Variants in SYTL2 observed in about 807,000 individuals in gnomAD.
The protein encoded by SYTL2 is synaptotagmin like 2.
Under a neutral mutation model 198.7 loss-of-function variants are expected in SYTL2, and 165 were observed. The ratio of observed to expected loss-of-function variants is 0.83; its 90% CI spans 0.73 to 0.94. The LOEUF (loss-of-function observed/expected upper bound fraction) is 0.94. Among genes scored for constraint, SYTL2 ranks in the 40% least tolerant of loss-of-function variants. The pLI is 0.00. For missense variants in SYTL2, 2,835 were observed against 2,582.8 expected, an observed-to-expected ratio of 1.10 and a Z score of -2.12; for synonymous variants, 966 against 917.7, an observed-to-expected ratio of 1.05 and a Z score of -0.95.
chr11:85,805,014 A>G (rs894748032), intron 1 of SYTL2, among the ~76,000 whole-genome samples: 2 of 152,220 alleles, frequency 1.3e-5, no homozygotes, highest in African/African-American at 4.8e-5. Flanking sequence ...CATTAAATAC[A>G]GGACCTCATT....
intron 10 of SYTL2, 86 bp downstream of exon 10, chr11:85,718,704 T>A (rs1327341228): frequency 8.1e-7 from 1 of 1,230,284 alleles, no homozygotes; most frequent in Non-Finnish European, 1.2e-6. Context: ...TTCTTCTGTT[T>A]ACCCAACAGC....
At chr11:85,753,307 G>T (rs1190223909) in intron 2 of SYTL2, among the ~76,000 whole-genome samples, 2 of 152,200 alleles carry the variant, frequency 1.3e-5, no homozygotes, top group African/African-American at 2.4e-5. Context: ...CTCCTTCACT[G>T]CTGGTCTGTG....
At chr11:85,760,252 T>C (rs1304198767) in intron 1 of SYTL2, among the ~76,000 whole-genome samples, 2 of 152,054 alleles carry the variant, frequency 1.3e-5, no homozygotes, top group African/African-American at 4.8e-5. Context: ...CCTATAGATA[T>C]AAAAGAAAAA....
chr11:85,772,090 G>C (rs951263553), intron 1 of SYTL2, among the ~76,000 whole-genome samples: 2 of 152,034 alleles, frequency 1.3e-5, no homozygotes, highest in African/African-American at 4.8e-5. Context: ...TTTTGGTAGA[G>C]ACAAGGTTTC....
At position 85,718,569 on chromosome 11, in the gene SYTL2, C is replaced by T; in HGVS notation, c.5482+221G>A. ...AGAAACCCTTGCTTCACAAGGGTCTCTGATGAGATCCTCATGACAGTATCA... is the reference window on the plus strand; with the variant it reads ...AGAAACCCTTGCTTCACAAGGGTCTTTGATGAGATCCTCATGACAGTATCA... On this transcript the variant is annotated intron_variant, in intron 10 of 19. Transcript: ENST00000359152. The T allele has an allele frequency of 2.7e-5, 15 of 557,502 alleles. No homozygotes were observed. In the South Asian group the frequency reaches 3.3e-4, roughly 12 times the overall value. 34.5% of individuals were successfully genotyped at this position (557,502 alleles called of 1,614,324 possible).
At position 85,793,864 on chromosome 11, in the gene SYTL2, T is replaced by C. The variant is rs1458309509; in HGVS notation, c.-390+17090A>G. Among the ~76,000 whole-genome samples the C allele has an allele frequency of 3.3e-5, 5 of 152,210 alleles. No individual in the cohort carries two copies. The South Asian group carries it at 6.2e-4, about 19-fold the overall frequency. On this transcript the variant is annotated intron_variant, in intron 1 of 19. Coordinates refer to ENST00000359152, the MANE Select transcript of SYTL2 (RefSeq NM_206927.4). ...ATTGTTTTAGTCATATCTTCCCTCA[T>C]ACAGATATGAACCCTGGAAAATATT...
At chr11:85,826,908 GT>G in the SYTL2 span, among the ~76,000 whole-genome samples, 2 of 152,222 alleles carry the variant, frequency 1.3e-5, no homozygotes, top group African/African-American at 2.4e-5. Flanking sequence ...ATTTCTGAAA[GT>G]TCTGTGAAAA....
chr11:85,702,250 C>T (rs187304981), intron 16 of SYTL2, among the ~76,000 whole-genome samples: 106 of 148,114 alleles, frequency 7.2e-4, no homozygotes, highest in East Asian at 2.2e-3. Flanking sequence ...AGTGCAATGG[C>T]GTGATCTCAG....
chr11:85,705,028 A>G lies in SYTL2; in HGVS notation c.6019T>C (p.Tyr2007His), dbSNP rs2084911429. 20 of 1,605,864 alleles carry G rather than the reference A, an allele frequency of 1.2e-5. No individual in the cohort carries two copies. Among genetic ancestry groups the G allele is most frequent in the Non-Finnish European group, 1.7e-5 (20 of 1,173,770 alleles). The change falls in exon 16 of 20, where the codon TAT becomes CAT. Residue 2007 changes from tyrosine to histidine, a missense_variant and splice_region_variant. Physicochemically the swap from Tyr to His is moderately conservative, Grantham distance 83. Transcript: ENST00000359152. Reference protein sequence around the residue: ...LNPVYNEILRYKIEKQILKTQ... With the variant: ...LNPVYNEILRHKIEKQILKTQ... ...TTTAAGATTTGTTTTTCAATTTTAT[A>G]CTGAAGTTCAAAGAAGAAAATTAAA...
At chr11:85,773,512 C>A (rs1380676922) in intron 1 of SYTL2, among the ~76,000 whole-genome samples, 4 of 152,108 alleles carry the variant, frequency 2.6e-5, no homozygotes, top group African/African-American at 9.7e-5. Context: ...TTAGAGTCTC[C>A]TCCTCTTTGG....
chr11:85,711,801 C>T (rs1043348236), intron 12 of SYTL2, among the ~76,000 whole-genome samples: 1 of 152,060 alleles, frequency 6.6e-6, no homozygotes, highest in Admixed American at 6.6e-5. Context: ...CTTCCCCTTA[C>T]ATATTCCTGT....
chr11:85,805,023 T>C (rs1166380827), intron 1 of SYTL2, among the ~76,000 whole-genome samples: 1 of 152,184 alleles, frequency 6.6e-6, no homozygotes, highest in Non-Finnish European at 1.5e-5. Flanking sequence ...CAGGACCTCA[T>C]TTAATCCTCT....
chr11:85,767,754 A>G (rs1040209772), intron 1 of SYTL2, among the ~76,000 whole-genome samples: 2 of 152,166 alleles, frequency 1.3e-5, no homozygotes, highest in African/African-American at 2.4e-5. Context: ...CTCTCCCCCA[A>G]CAATTCTGAT....
chr11:85,770,910 A>C (rs1367018699), intron 1 of SYTL2, among the ~76,000 whole-genome samples: 4 of 152,218 alleles, frequency 2.6e-5, no homozygotes, highest in Admixed American at 6.5e-5. Context: ...ATAGACCCGA[A>C]TATAATGTGG....
chr11:85,828,201 CAGA>C, the SYTL2 span, among the ~76,000 whole-genome samples: 4 of 152,088 alleles, frequency 2.6e-5, no homozygotes, highest in African/African-American at 9.7e-5. Context: ...GAGTCACTCC[CAGA>C]AGACTTATCT....
At chr11:85,804,062 C>T (rs748237433) in intron 1 of SYTL2, among the ~76,000 whole-genome samples, 8 of 152,232 alleles carry the variant, frequency 5.3e-5, no homozygotes, top group Non-Finnish European at 1.0e-4. Flanking sequence ...CTAAACACAA[C>T]ACTTCAGTTA....
At chr11:85,833,152 AAG>A in the SYTL2 span, among the ~76,000 whole-genome samples, 6 of 106,066 alleles carry the variant, frequency 5.7e-5, 1 homozygote, top group South Asian at 2.4e-4. Context: ...GGAAGGAAGG[AAG>A]GAAAGAAAGA....
chr11:85,788,496 A>G lies in SYTL2; in HGVS notation c.-390+22458T>C, dbSNP rs192947585. On this transcript the variant is annotated intron_variant, in intron 1 of 19. Coordinates refer to ENST00000359152, the MANE Select transcript of SYTL2 (RefSeq NM_206927.4). Reference sequence around the variant, plus strand: ...TATAAATATGTTGTGAAGCTGTGAAATATACACAAGTTGTGAAAAAGACAC... The same window carrying G: ...TATAAATATGTTGTGAAGCTGTGAAGTATACACAAGTTGTGAAAAAGACAC... Among the ~76,000 whole-genome samples, 70 of 152,328 alleles carry G rather than the reference A, an allele frequency of 4.6e-4. 1 individual carries two copies. Among genetic ancestry groups the G allele is most frequent in the South Asian group, 6.2e-4 (3 of 4,828 alleles).
the SYTL2 span, among the ~76,000 whole-genome samples, chr11:85,847,119 G>T: frequency 6.6e-6 from 1 of 152,098 alleles, no homozygotes; most frequent in Non-Finnish European, 1.5e-5. Context: ...AGTTCAATGG[G>T]TTTTAACAAA....
Sources: gnomAD v4.1 joint callset for allele counts (sites outside exome capture counted in the v4.1 genomes callset) on GRCh38, gnomAD v4.1.1 for gene constraint, MANE v1.5 for transcripts, NCBI Gene and HGNC (gene_info 2026-07-23, HGNC 2026-07-21) for gene names.